The following OSTM1 variants were observed in gnomAD, a reference collection of about 807,000 sequenced individuals.
OSTM1 encodes osteopetrosis-associated transmembrane protein 1.
A neutral mutation model predicts 35.4 loss-of-function variants in OSTM1; 26 were observed. That is an observed-to-expected ratio of 0.73 (90% CI 0.54 to 1.02). OSTM1 has a LOEUF of 1.02. OSTM1 is among the 50% of genes least tolerant of loss of function. The probability of loss-of-function intolerance (pLI) is 0.00; values close to 1 mark genes in which losing one functional copy is unlikely to be tolerated. For missense variants in OSTM1, 366 were observed against 409.6 expected (o/e 0.89, Z 0.92); for synonymous variants, 181 against 165.0 (o/e 1.10, Z -0.75).
intron 2 of OSTM1, among the ~76,000 whole-genome samples, chr6:108,055,316 C>T (rs1254855515): frequency 3.5e-5 from 5 of 143,444 alleles, no homozygotes; most frequent in Admixed American, 1.4e-4. Flanking sequence ...ATAATCTATT[C>T]TTCTTTTTTT....
At chr6:108,048,317 T>C (rs914296296) in intron 5 of OSTM1, among the ~76,000 whole-genome samples, 1 of 152,188 alleles carries the variant, frequency 6.6e-6, no homozygotes, top group African/African-American at 2.4e-5. Context: ...AAAACTAAAA[T>C]TATTAAGGCA....
intron 2 of OSTM1, among the ~76,000 whole-genome samples, chr6:108,060,406 A>T (rs1406329033): frequency 6.6e-6 from 1 of 152,216 alleles, no homozygotes; most frequent in Non-Finnish European, 1.5e-5. Context: ...ACTTCGAATT[A>T]GTGAAATCTT....
At chr6:108,046,470 T>C (rs2114588291) in intron 5 of OSTM1, among the ~76,000 whole-genome samples, 1 of 150,358 alleles carries the variant, frequency 6.7e-6, no homozygotes, top group Admixed American at 6.6e-5. Flanking sequence ...GCCTCCCGAG[T>C]AGCTGGGACT....
chr6:108,074,234 G>A lies in OSTM1; in HGVS notation c.402+16C>T, dbSNP rs981641559. The A allele has an allele frequency of 4.3e-6, 7 of 1,610,898 alleles. No individual in the cohort carries two copies. The highest frequency in any genetic ancestry group is 1.7e-5 in the Admixed American group (1 of 59,950). On this transcript the variant is annotated intron_variant, in intron 1 of 5. Coordinates refer to ENST00000193322, the MANE Select transcript of OSTM1 (RefSeq NM_014028.4). ...ACTCTCCTGAGCCACAGTCCCGGAC[G>A]TGGTCCTGTACCCACCCCCGCGGCT...
At position 108,066,965 on chromosome 6, in the gene OSTM1, A is replaced by G. The variant is rs185847716; in HGVS notation, c.403-2666T>C. On this transcript the variant is annotated intron_variant, in intron 1 of 5. Coordinates refer to ENST00000193322, the MANE Select transcript of OSTM1 (RefSeq NM_014028.4). ...CTTAATACTCAAATCTATCCTAACT[A>G]CTTAGCAGAACCCTAACCATCTTGA... is the stretch of plus-strand genomic sequence containing the variant. Among the ~76,000 whole-genome samples, 189 of 152,276 alleles carry G rather than the reference A, an allele frequency of 1.2e-3. 1 individual carries two copies. The highest frequency in any genetic ancestry group is 4.1e-3 in the African/African-American group (171 of 41,550).
intron 1 of OSTM1, among the ~76,000 whole-genome samples, chr6:108,071,147 C>T (rs984826347): frequency 6.6e-6 from 1 of 151,070 alleles, no homozygotes; most frequent in Non-Finnish European, 1.5e-5. Flanking sequence ...GAGATTATGC[C>T]ACTGCACTCC....
At chr6:108,056,268 G>A (rs1772168257) in intron 2 of OSTM1, among the ~76,000 whole-genome samples, 1 of 152,204 alleles carries the variant, frequency 6.6e-6, no homozygotes, top group African/African-American at 2.4e-5. Context: ...AAGGAACAGA[G>A]ATAGGTTTAG....
intron 1 of OSTM1, among the ~76,000 whole-genome samples, chr6:108,065,218 G>C (rs1005257178): frequency 6.6e-6 from 1 of 150,598 alleles, no homozygotes; most frequent in South Asian, 2.1e-4. Flanking sequence ...ACCAGCCATA[G>C]AAGAAAATTT....
rs201721804 is a variant in OSTM1 at position 108,063,016 on chromosome 6, CT to C, written c.517+1168del. Among the ~76,000 whole-genome samples, 1,116 of 137,520 alleles carry C rather than the reference CT, an allele frequency of 8.1e-3. 4 individuals are homozygous for C. The highest frequency in any genetic ancestry group is 0.014 in the African/African-American group (541 of 37,544). 90.2% of individuals were successfully genotyped at this position (137,520 alleles called of 152,430 possible). A position where few individuals can be genotyped will look rare whatever the true frequency, so the allele number is the denominator to read the frequency against. Reference sequence around the variant, plus strand: ...CTGCAATGTCCTTCTCTCATTTCTACTTTTTTTTTTTTTTAAGACAGGGTCT... The same window carrying C: ...CTGCAATGTCCTTCTCTCATTTCTACTTTTTTTTTTTTTAAGACAGGGTCT... On this transcript the variant is annotated intron_variant, in intron 2 of 5. Transcript: ENST00000193322.
rs1771899310 is a variant in OSTM1 at position 108,043,002 on chromosome 6, G to T, written c.*1783C>A. 1 of 152,146 alleles carries T rather than the reference G, an allele frequency of 6.6e-6. No individual in the cohort carries two copies. The allele number at this position is 152,146 out of a possible 1,614,324, so 9.4% of individuals were successfully genotyped here. A position where few individuals can be genotyped will look rare whatever the true frequency, so the allele number is the denominator to read the frequency against. On this transcript the variant is annotated 3_prime_UTR_variant, in exon 6 of 6. Transcript: ENST00000193322. ...CTTATCTTTGAAATCTATTGCTGAT[G>T]CTAGGTCTAAAGAGCAATGACTCAA...
intron 1 of OSTM1, among the ~76,000 whole-genome samples, chr6:108,070,158 C>T (rs1369970410): frequency 6.6e-6 from 1 of 152,192 alleles, no homozygotes; most frequent in Non-Finnish European, 1.5e-5. Context: ...CCACCTCAGC[C>T]TCCTGAGTAG....
chr6:108,074,555 G>A lies in OSTM1; in HGVS notation c.97C>T (p.Leu33Phe), dbSNP rs1164787359. 2 of 1,557,684 alleles carry A rather than the reference G, an allele frequency of 1.3e-6. No individual in the cohort carries two copies. Among genetic ancestry groups the A allele is most frequent in the Non-Finnish European group, 1.7e-6 (2 of 1,153,652 alleles). The part of the protein sequence containing the change: ...LLWSGLALGA[L>F]PFGSSPHRVF... ...CTGTGCGGACTGCTGCCGAAGGGGA[G>A]CGCGCCCAGGGCCAGCCCCGACCAC... The change falls in exon 1 of 6, where the codon CTC (leucine) becomes TTC (phenylalanine). Residue 33 changes from leucine (L) to phenylalanine (F), a missense_variant. Around this residue, in one of 3 missense-constraint regions of OSTM1, gnomAD observed 236 missense variants for 239.3 expected, o/e 0.99. Transcript: ENST00000193322.
chr6:108,053,876 C>G (rs1215189497), intron 3 of OSTM1, among the ~76,000 whole-genome samples: 1 of 152,156 alleles, frequency 6.6e-6, no homozygotes, highest in African/African-American at 2.4e-5. Flanking sequence ...ATGGGGATTA[C>G]TTACTTGTTA....
chr6:108,052,262 A>G (rs534872084), intron 3 of OSTM1, among the ~76,000 whole-genome samples: 22 of 152,138 alleles, frequency 1.4e-4, no homozygotes, highest in Admixed American at 2.0e-4. Context: ...GTGAAACCCC[A>G]TCTCTACTAA....
At chr6:108,063,762 A>C (rs1346152185) in intron 2 of OSTM1, among the ~76,000 whole-genome samples, 1 of 152,204 alleles carries the variant, frequency 6.6e-6, no homozygotes, top group Admixed American at 6.5e-5. Context: ...TTTCTTGAAC[A>C]CTAAATACGT....
In OSTM1 at chr6:108,074,321, G is replaced by A. The variant is rs1488643549; in HGVS notation, c.331C>T (p.Leu111Phe). ...AAGAGGGGGTAGCAGGTCTGACAGA[G>A]GCGCACGGGCCGGGCGCTGCGCACC... ...CLVRSARPVR[L>F]CQTCYPLFQQ... Residue 111 changes from leucine to phenylalanine, a missense_variant, in exon 1 of 6, where the codon CTC becomes TTC. Physicochemically the swap from Leu to Phe is conservative, Grantham distance 22 (BLOSUM62 0). Coordinates refer to ENST00000193322, the MANE Select transcript of OSTM1 (RefSeq NM_014028.4). 4 of 1,611,848 alleles carry A rather than the reference G, an allele frequency of 2.5e-6. No individual in the cohort carries two copies. In the East Asian group the frequency reaches 6.7e-5, roughly 27 times the overall value.
intron 1 of OSTM1, 54 bp downstream of exon 1, chr6:108,074,196 T>C (rs1368172390): frequency 1.3e-6 from 2 of 1,574,936 alleles, no homozygotes; most frequent in Non-Finnish European, 1.7e-6. Flanking sequence ...CATTACACCC[T>C]CCTCCTTTCC....
At chr6:108,048,837 C>T (rs180876906) in intron 5 of OSTM1, among the ~76,000 whole-genome samples, 17 of 149,814 alleles carry the variant, frequency 1.1e-4, no homozygotes, top group African/African-American at 3.7e-4. Flanking sequence ...CTGCAACCTC[C>T]GCCTCCCAAG....
intron 1 of OSTM1, among the ~76,000 whole-genome samples, chr6:108,070,276 C>T (rs1020176621): frequency 2.0e-5 from 3 of 151,906 alleles, no homozygotes; most frequent in African/African-American, 7.3e-5. Context: ...TGGCCTCAAG[C>T]GATCCACCTG....
Sources: allele counts gnomAD v4.1 joint callset (sites outside exome capture counted in the v4.1 genomes callset), GRCh38; gene constraint gnomAD v4.1.1; regional missense constraint gnomAD v4.1.1; transcripts MANE v1.5; gene names NCBI Gene and HGNC (gene_info 2026-07-23, HGNC 2026-07-21).